The following RFC1 variants were observed in gnomAD, a reference collection of about 807,000 sequenced individuals.
RFC1 encodes the protein A1 140 kDa subunit.
RFC1 carries 37 observed loss-of-function variants against 137.4 expected under a neutral mutation model. That is an observed-to-expected ratio of 0.27 (90% CI 0.21 to 0.35). The LOEUF (loss-of-function observed/expected upper bound fraction) is 0.35. Ranked by LOEUF, RFC1 falls within the 10% of genes least tolerant of loss-of-function variation. RFC1 has a pLI of 1.00. For synonymous variants in RFC1, 429 were observed against 455.7 expected, an observed-to-expected ratio of 0.94 and a Z score of 0.75; for missense variants, 1,205 against 1,358.5, an observed-to-expected ratio of 0.89 and a Z score of 1.78.
At chr4:39,366,074 T>G (rs1161551125) in intron 1 of RFC1, among the ~76,000 whole-genome samples, 165 bp downstream of exon 1, 1 of 152,026 alleles carries the variant, frequency 6.6e-6, no homozygotes, top group Non-Finnish European at 1.5e-5. Context: ...GCAATGAAAG[T>G]TTTGCGTCCA....
intron 1 of RFC1, among the ~76,000 whole-genome samples, chr4:39,363,026 T>C (rs1741836442): frequency 6.6e-6 from 1 of 152,262 alleles, no homozygotes; most frequent in Non-Finnish European, 1.5e-5. Context: ...AGTGGAGCAA[T>C]GAAACAGTTC....
At chr4:39,328,553 A>G (rs951709705) in intron 4 of RFC1, among the ~76,000 whole-genome samples, 4 of 152,210 alleles carry the variant, frequency 2.6e-5, no homozygotes, top group Admixed American at 6.5e-5. Context: ...TCAGGCAAGA[A>G]TATCTGGGCA....
intron 21 of RFC1, among the ~76,000 whole-genome samples, chr4:39,296,629 C>T (rs1738025563): frequency 6.6e-6 from 1 of 151,646 alleles, no homozygotes; most frequent in Non-Finnish European, 1.5e-5. Context: ...ATATGTGCCA[C>T]ATTTTCTTAA....
At chr4:39,299,349 T>C (rs1396182902) in intron 21 of RFC1, among the ~76,000 whole-genome samples, 3 of 152,128 alleles carry the variant, frequency 2.0e-5, no homozygotes, top group Non-Finnish European at 4.4e-5. Context: ...TTCACACCTC[T>C]GTATTTCCGT....
intron 7 of RFC1, 125 bp from the exon 8 acceptor site, chr4:39,321,499 T>A: frequency 1.4e-6 from 1 of 718,790 alleles, no homozygotes; most frequent in Non-Finnish European, 2.2e-6. Context: ...TACAATAAAC[T>A]GTCATTCATT....
intron 10 of RFC1, among the ~76,000 whole-genome samples, chr4:39,314,810 T>C (rs1206803184): frequency 6.6e-6 from 1 of 152,152 alleles, no homozygotes; most frequent in African/African-American, 2.4e-5. Context: ...ATTAAATTTA[T>C]ACATATATTG....
At chr4:39,307,735 C>CAAAACAAAACA (rs558154830) in intron 13 of RFC1, among the ~76,000 whole-genome samples, 5 of 148,316 alleles carry the variant, frequency 3.4e-5, no homozygotes, top group Non-Finnish European at 1.5e-5. Flanking sequence ...CAAAACAAAA[C>CAAAACAAAACA]AAAAAAAAAA....
chr4:39,320,264 G>A (rs1739445797), intron 9 of RFC1, 119 bp downstream of exon 9: 1 of 857,874 alleles, frequency 1.2e-6, no homozygotes, highest in Admixed American at 3.7e-5. Flanking sequence ...CAGGTGAGTT[G>A]CTTGAACCTG....
At chr4:39,352,320 C>T (rs1741250926) in intron 1 of RFC1, among the ~76,000 whole-genome samples, 1 of 152,148 alleles carries the variant, frequency 6.6e-6, no homozygotes, top group Non-Finnish European at 1.5e-5. Flanking sequence ...GAAAAAAAAC[C>T]TTTGATGCTT....
intron 9 of RFC1, chr4:39,318,179 A>C (rs542882667): frequency 6.6e-6 from 1 of 152,408 alleles, no homozygotes; most frequent in South Asian, 2.1e-4. Flanking sequence ...GGAATGGCTT[A>C]ACCAATAAAA....
chr4:39,334,970 A>G (rs1285632727), intron 4 of RFC1, among the ~76,000 whole-genome samples: 1 of 152,184 alleles, frequency 6.6e-6, no homozygotes, highest in Non-Finnish European at 1.5e-5. Context: ...GGTCCATATA[A>G]AAATCTATTT....
chr4:39,350,715 C>A (rs1264464008), intron 2 of RFC1, among the ~76,000 whole-genome samples: 2 of 151,484 alleles, frequency 1.3e-5, no homozygotes, highest in Non-Finnish European at 2.9e-5. Flanking sequence ...CACCAACAGA[C>A]CTACACTACA....
At chr4:39,358,001 G>A (rs181554577) in intron 1 of RFC1, among the ~76,000 whole-genome samples, 252 of 152,198 alleles carry the variant, frequency 1.7e-3, no homozygotes, top group Non-Finnish European at 3.0e-3. Context: ...TGGGCCAAGC[G>A]CAGTGGCTCA....
At chr4:39,356,668 TTC>T (rs1741495608) in intron 1 of RFC1, among the ~76,000 whole-genome samples, 3 of 152,356 alleles carry the variant, frequency 2.0e-5, no homozygotes, top group South Asian at 2.1e-4. Flanking sequence ...ATAATTGATT[TTC>T]TGTTACTCTC....
At chr4:39,350,978 C>T (rs1032208985) in intron 2 of RFC1, among the ~76,000 whole-genome samples, 8 of 152,016 alleles carry the variant, frequency 5.3e-5, no homozygotes, top group Admixed American at 2.0e-4. Flanking sequence ...ATGGCTGGCA[C>T]GGTGGCTCAC....
chr4:39,359,958 C>T (rs772118672), intron 1 of RFC1, among the ~76,000 whole-genome samples: 1 of 151,952 alleles, frequency 6.6e-6, no homozygotes, highest in Non-Finnish European at 1.5e-5. Flanking sequence ...TCTCACAAAT[C>T]GCCACTAAAG....
chr4:39,334,553 T>A (rs1411524305), intron 4 of RFC1, among the ~76,000 whole-genome samples: 1 of 152,068 alleles, frequency 6.6e-6, no homozygotes, highest in Non-Finnish European at 1.5e-5. Flanking sequence ...CAAATAAAGT[T>A]GTAGTTGTTC....
Position 39,288,598 on chromosome 4 carries a change from C to T in RFC1, c.*163G>A. On this transcript the variant is annotated 3_prime_UTR_variant, in exon 25 of 25. Transcript: ENST00000349703. The stretch of plus-strand genomic sequence containing the variant: ...ATAAGAGGTGTACATAAGCCTACTG[C>T]TCATACCCTTCTAGCCATACCACCC... The T allele has an allele frequency of 1.6e-6, 1 of 616,140 alleles. No homozygotes were observed. The highest frequency in any genetic ancestry group is 2.9e-6 in the Non-Finnish European group (1 of 341,302). 38.2% of individuals were successfully genotyped at this position (616,140 alleles called of 1,614,324 possible). A position where few individuals can be genotyped will look rare whatever the true frequency, so the allele number is the denominator to read the frequency against.
chr4:39,354,274 T>C (rs143187966), intron 1 of RFC1, among the ~76,000 whole-genome samples: 3 of 152,342 alleles, frequency 2.0e-5, no homozygotes, highest in African/African-American at 7.2e-5. Context: ...AGCAGCCATC[T>C]GAGGTATAAA....
Sources: gnomAD v4.1 joint callset for allele counts (sites outside exome capture counted in the v4.1 genomes callset) on GRCh38, gnomAD v4.1.1 for gene constraint, MANE v1.5 for transcripts, NCBI Gene and HGNC (gene_info 2026-07-23, HGNC 2026-07-21) for gene names.